The following C18orf63 variants were observed in gnomAD, a reference collection of about 807,000 sequenced individuals.
C18orf63 encodes the protein chromosome 18 open reading frame 63, also known as uncharacterized protein C18orf63.
A neutral mutation model predicts 75.3 loss-of-function variants in C18orf63; 50 were observed. The observed-to-expected ratio is 0.66, with a 90% CI of 0.53 to 0.84. C18orf63 has a LOEUF of 0.84. Ranked by LOEUF, C18orf63 falls within the 40% of genes least tolerant of loss-of-function variation. The pLI is 0.00. For synonymous variants in C18orf63, 232 were observed against 267.6 expected, an observed-to-expected ratio of 0.87 and a Z score of 1.30; for missense variants, 732 against 800.2, an observed-to-expected ratio of 0.91 and a Z score of 1.03.
In C18orf63 at chr18:74,354,109, A is replaced by G. The variant is rs1367632953; in HGVS notation, c.1842A>G (p.Glu614=). ...CACGACTGCTACAGCAGCAATCAGA[A>G]AATCAAGCTAAAGAAGTTGGTACAA... ...EDPRLLQQQS[E]NQAKEVGTSD... Residue 614 remains glutamate (E), a synonymous_variant, in exon 12 of 14, where the codon GAA becomes GAG. Coordinates refer to ENST00000579455, the MANE Select transcript of C18orf63 (RefSeq NM_001174123.2). The G allele has an allele frequency of 1.3e-6, 2 of 1,536,170 alleles. No individual in the cohort carries two copies. The highest frequency in any genetic ancestry group is 2.7e-5 in the African/African-American group (2 of 73,026).
intron 11 of C18orf63, among the ~76,000 whole-genome samples, chr18:74,352,853 T>C (rs1984690395): frequency 6.6e-6 from 1 of 152,162 alleles, no homozygotes; most frequent in South Asian, 2.1e-4. Flanking sequence ...AGAAAAACAG[T>C]CGCTCTGTGG....
At chr18:74,338,310 G>A (rs1249483017) in intron 7 of C18orf63, among the ~76,000 whole-genome samples, 1 of 152,000 alleles carries the variant, frequency 6.6e-6, no homozygotes, top group Non-Finnish European at 1.5e-5. Context: ...AAGACCAGAT[G>A]GAGGTATAAT....
In C18orf63 at chr18:74,342,211, G is replaced by T. The variant is rs528252449; in HGVS notation, c.709-30G>T. 2.7e-6 allele frequency: 4 copies of T among 1,469,104 alleles called. No homozygotes were observed. The South Asian group carries it at 4.8e-5, about 18-fold the overall frequency. 91.0% of individuals were successfully genotyped at this position (1,469,104 alleles called of 1,614,324 possible). A position where few individuals can be genotyped will look rare whatever the true frequency, so the allele number is the denominator to read the frequency against. Reference sequence around the variant, plus strand: ...TTAACCTAAGTTTAGCTTTCTCCAAGATATTTAAAATTTTGTGCTTAATTT... The same window carrying T: ...TTAACCTAAGTTTAGCTTTCTCCAATATATTTAAAATTTTGTGCTTAATTT... On this transcript the variant is annotated intron_variant, in intron 9 of 13. Coordinates refer to ENST00000579455, the MANE Select transcript of C18orf63 (RefSeq NM_001174123.2).
chr18:74,354,151 A>C lies in C18orf63; in HGVS notation c.1884A>C (p.Ile628=). The change falls in exon 12 of 14, where the codon ATA becomes ATC. Residue 628 remains isoleucine (I), a synonymous_variant. Coordinates refer to ENST00000579455, the MANE Select transcript of C18orf63 (RefSeq NM_001174123.2). ...TTGGTACAAGTGACCACAGGTTGAT[A>C]GTAAGCAAAATAGCCCACAGGTCTA... is the stretch of plus-strand genomic sequence containing the variant. ...KEVGTSDHRL[I]VSKIAHRSKR... is the part of the protein sequence containing the mutation. 7 of 1,536,374 alleles carry C rather than the reference A, an allele frequency of 4.6e-6. No homozygotes were observed. The highest frequency in any genetic ancestry group is 6.1e-6 in the Non-Finnish European group (7 of 1,146,960).
chr18:74,328,956 G>C, intron 5 of C18orf63, 39 bp from the exon 6 acceptor site: 3 of 1,084,402 alleles, frequency 2.8e-6, no homozygotes, highest in Non-Finnish European at 4.1e-6. Context: ...GATTATTTAT[G>C]AGTTGTAATA....
rs543991289 is a variant in C18orf63, at chr18:74,357,519, T to G, written c.*1072T>G. Reference sequence around the variant, plus strand: ...AATATTATATAATTGTTGTAATATATTTAAAAGAAACCAAAATCTTCATTG... The same window carrying G: ...AATATTATATAATTGTTGTAATATAGTTAAAAGAAACCAAAATCTTCATTG... On this transcript the variant is annotated 3_prime_UTR_variant, in exon 14 of 14. Transcript: ENST00000579455. The G allele has an allele frequency of 8.5e-4, 130 of 152,348 alleles. No individual in the cohort carries two copies. The highest frequency in any genetic ancestry group is 3.0e-3 in the African/African-American group (125 of 41,576). 9.4% of individuals were successfully genotyped at this position (152,348 alleles called of 1,614,324 possible).
chr18:74,330,818 G>A, intron 6 of C18orf63, 48 bp from the exon 7 acceptor site: 1 of 694,508 alleles, frequency 1.4e-6, no homozygotes, highest in Non-Finnish European at 2.3e-6. Flanking sequence ...TAATTTAATA[G>A]TAGAGTAATA....
intron 7 of C18orf63, among the ~76,000 whole-genome samples, chr18:74,335,044 T>C (rs1413193277): frequency 3.9e-5 from 6 of 152,168 alleles, no homozygotes; most frequent in Non-Finnish European, 7.4e-5. Flanking sequence ...TCATCTCTCT[T>C]GGTGCTCTCT....
At chr18:74,344,937 G>A (rs956762156) in intron 11 of C18orf63, among the ~76,000 whole-genome samples, 1 of 152,016 alleles carries the variant, frequency 6.6e-6, no homozygotes, top group Non-Finnish European at 1.5e-5. Context: ...AGTAGAATTG[G>A]TATGGGTATT....
intron 7 of C18orf63, among the ~76,000 whole-genome samples, chr18:74,336,505 A>C (rs571535239): frequency 6.6e-6 from 1 of 152,116 alleles, no homozygotes; most frequent in South Asian, 2.1e-4. Flanking sequence ...TTTTTCTAGA[A>C]TCTCCTGGAA....
rs1346116587 is a variant in C18orf63 at position 74,320,588 on chromosome 18, G to C, written c.210G>C (p.Met70Ile). 1 of 1,522,890 alleles carries C rather than the reference G, an allele frequency of 6.6e-7. No homozygotes were observed. The highest frequency in any genetic ancestry group is 8.8e-7 in the Non-Finnish European group (1 of 1,135,948). The allele number at this position is 1,522,890 out of a possible 1,614,324, so 94.3% of individuals were successfully genotyped here. A position where few individuals can be genotyped will look rare whatever the true frequency, so the allele number is the denominator to read the frequency against. Residue 70 changes from methionine (M) to isoleucine (I), a missense_variant, in exon 3 of 14, where the codon ATG becomes ATC. Coordinates refer to ENST00000579455, the MANE Select transcript of C18orf63 (RefSeq NM_001174123.2). ...TATTAAACCAAATCTGGGTGGTGAT[G>C]GCGGTTAGTATTTTAATATTTTGTG... ...SGILNQIWVV[M>I]AIPFYKARKL...
Position 74,358,991 on chromosome 18 carries a change from T to C in C18orf63, c.*2544T>C, listed in dbSNP as rs138082716. On this transcript the variant is annotated 3_prime_UTR_variant, in exon 14 of 14. Transcript: ENST00000579455. ...TAACCAGTTGACCAATTTTGCTCTGTTTTCAAATTGCATATGATGGGGTAT... is the reference window on the plus strand; with the variant it reads ...TAACCAGTTGACCAATTTTGCTCTGCTTTCAAATTGCATATGATGGGGTAT... 110 of 152,282 alleles carry C rather than the reference T, an allele frequency of 7.2e-4. 1 individual carries two copies. The East Asian group carries it at 0.019, about 26-fold the overall frequency. The allele number at this position is 152,282 out of a possible 1,614,324, so 9.4% of individuals were successfully genotyped here. A position where few individuals can be genotyped will look rare whatever the true frequency, so the allele number is the denominator to read the frequency against.
Position 74,353,975 on chromosome 18 carries a change from G to A in C18orf63, c.1708G>A (p.Glu570Lys). The A allele has an allele frequency of 6.5e-7, 1 of 1,536,244 alleles. No individual in the cohort carries two copies. Among genetic ancestry groups the A allele is most frequent in the East Asian group, 2.4e-5 (1 of 40,896 alleles). ...SAVDFQMKGK[E>K]NLTGKGITQI... ...TGTTGACTTCCAAATGAAAGGAAAA[G>A]AAAATTTAACAGGCAAAGGTATAAC... Residue 570 changes from glutamate (E) to lysine (K), a missense_variant, in exon 12 of 14, where the codon GAA (glutamate) becomes AAA (lysine). Transcript: ENST00000579455.
intron 11 of C18orf63, among the ~76,000 whole-genome samples, chr18:74,344,669 A>T (rs1018194330): frequency 6.6e-6 from 1 of 152,168 alleles, no homozygotes; most frequent in African/African-American, 2.4e-5. Context: ...AAAATAAATC[A>T]TAGAGTATGT....
At chr18:74,350,230 C>T (rs1275930510) in intron 11 of C18orf63, among the ~76,000 whole-genome samples, 1 of 152,142 alleles carries the variant, frequency 6.6e-6, no homozygotes, top group African/African-American at 2.4e-5. Context: ...AGGGAGTCTT[C>T]AGAAAAACAG....
At chr18:74,330,543 T>C (rs1984287356) in intron 6 of C18orf63, among the ~76,000 whole-genome samples, 2 of 152,088 alleles carry the variant, frequency 1.3e-5, no homozygotes, top group African/African-American at 4.8e-5. Flanking sequence ...TATTTATATA[T>C]ATAATATATG....
chr18:74,339,083 T>C (rs1453931851), intron 8 of C18orf63, among the ~76,000 whole-genome samples: 2 of 152,052 alleles, frequency 1.3e-5, no homozygotes, highest in East Asian at 3.8e-4. Flanking sequence ...TTTCTAAATT[T>C]CTCATTATAA....
chr18:74,342,594 A>C (rs1341624033), intron 10 of C18orf63, among the ~76,000 whole-genome samples: 1 of 152,190 alleles, frequency 6.6e-6, no homozygotes, highest in Non-Finnish European at 1.5e-5. Flanking sequence ...GTGTACTTAG[A>C]AAGTAAGAAA....
At position 74,353,422 on chromosome 18, in the gene C18orf63, G is replaced by T; in HGVS notation, c.1155G>T (p.Leu385Phe). 6.5e-7 allele frequency: 1 copy of T among 1,536,256 alleles called. No individual in the cohort carries two copies. Among genetic ancestry groups the T allele is most frequent in the Non-Finnish European group, 8.7e-7 (1 of 1,146,948 alleles). ...CAACATCAGGCATTTTCTCAGCTTT[G>T]CATCTCCAGCCAGAGTCTGTTCAGG... ...SQPTSGIFSA[L>F]HLQPESVQGR... The change falls in exon 12 of 14, where the codon TTG (leucine) becomes TTT (phenylalanine). Residue 385 changes from leucine to phenylalanine, a missense_variant. By Grantham distance (22) the Leu-to-Phe change is conservative. Transcript: ENST00000579455.
Sources: allele counts gnomAD v4.1 joint callset (sites outside exome capture counted in the v4.1 genomes callset), GRCh38; gene constraint gnomAD v4.1.1; transcripts MANE v1.5; gene names NCBI Gene and HGNC (gene_info 2026-07-23, HGNC 2026-07-21).